Variants in SKIL observed in about 807,000 individuals in gnomAD.
SKIL encodes ski-like protein.
A neutral mutation model predicts 69.6 loss-of-function variants in SKIL; 20 were observed. That is an observed-to-expected ratio of 0.29 (90% CI 0.20 to 0.42). The LOEUF (loss-of-function observed/expected upper bound fraction) is 0.42, where lower values mean the gene tolerates loss of function less well. SKIL is among the 10% of genes least tolerant of loss of function. The pLI, the probability that SKIL is intolerant of heterozygous loss-of-function variation, is 1.00. For missense variants in SKIL, 745 were observed against 783.1 expected (o/e 0.95, Z 0.58); for synonymous variants, 310 against 279.9 (o/e 1.11, Z -1.08).
intron 6 of SKIL, 110 bp downstream of exon 6, chr3:170,391,370 T>G (rs956319059): frequency 1.5e-6 from 1 of 648,930 alleles, no homozygotes; most frequent in Non-Finnish European, 2.6e-6. Flanking sequence ...CAGGCTGGAG[T>G]GCAGTGGCAC....
intron 2 of SKIL, among the ~76,000 whole-genome samples, chr3:170,362,889 T>C (rs565850963): frequency 1.3e-5 from 2 of 149,630 alleles, no homozygotes; most frequent in South Asian, 2.1e-4. Context: ...TCTAGTAGGC[T>C]AAACTATTAT....
At chr3:170,374,278 T>G (rs924975176) in intron 2 of SKIL, among the ~76,000 whole-genome samples, 10 of 152,112 alleles carry the variant, frequency 6.6e-5, no homozygotes, top group Non-Finnish European at 1.3e-4. Flanking sequence ...AAAGAACCTT[T>G]GGAATGAAAT....
At position 170,360,701 on chromosome 3, in the gene SKIL, C is replaced by A. The variant is rs757272736; in HGVS notation, c.370C>A (p.Leu124Ile). Residue 124 changes from leucine to isoleucine, a missense_variant, in exon 2 of 7, where the codon CTT becomes ATT. Physicochemically the swap from Leu to Ile is conservative, Grantham distance 5. Coordinates refer to ENST00000259119, the MANE Select transcript of SKIL (RefSeq NM_005414.5). ...CATGTCGCCTACTGTATTTCTGCCT[C>A]TTCCATCACCTCAGGTTCTTCCTGG... ...ESMSPTVFLP[L>I]PSPQVLPGPL... 1 of 1,614,222 alleles carries A rather than the reference C, an allele frequency of 6.2e-7. No homozygotes were observed. The highest frequency in any genetic ancestry group is 1.1e-5 in the South Asian group (1 of 91,084).
rs1421678848 is a variant in SKIL, at chr3:170,392,352, T to A, written c.1990T>A (p.Leu664Ile). 6.2e-7 allele frequency: 1 copy of A among 1,612,520 alleles called. No homozygotes were observed. Among genetic ancestry groups the A allele is most frequent in the Non-Finnish European group, 8.5e-7 (1 of 1,178,764 alleles). Residue 664 changes from leucine to isoleucine, a missense_variant, in exon 7 of 7, where the codon TTA (leucine) becomes ATA (isoleucine). Transcript: ENST00000259119. The part of the protein sequence containing the change: ...LRQEREARQK[L>I]EMMIKELKLQ... ...ACAGGAACGGGAAGCAAGACAGAAG[T>A]TAGAGATGATGATAAAAGAGCTAAA... is the stretch of plus-strand genomic sequence containing the variant.
chr3:170,377,398 C>CTTTT (rs34584855), intron 2 of SKIL, among the ~76,000 whole-genome samples: 1 of 136,708 alleles, frequency 7.3e-6, no homozygotes. Flanking sequence ...GTGCCCAGGC[C>CTTTT]TTTTTTTTTT....
chr3:170,360,286 T>C lies in SKIL; in HGVS notation c.-46T>C. 6.7e-7 allele frequency: 1 copy of C among 1,496,192 alleles called. No homozygotes were observed. The allele number at this position is 1,496,192 out of a possible 1,614,324, so 92.7% of individuals were successfully genotyped here. On this transcript the variant is annotated 5_prime_UTR_variant, in exon 2 of 7. Transcript: ENST00000259119. ...TCCTCTTTTCAAATAAGCAACTAAA[T>C]AGAAATGCTAATCTCAGACTTAATT...
At position 170,378,364 on chromosome 3, in the gene SKIL, T is replaced by G. The variant is rs75705848; in HGVS notation, c.1099-2880T>G. ...TCATTGATTTCCTCCATTAGTAGGA[T>G]CTCAGTAATCAAACCAGAGTTTGGA... On this transcript the variant is annotated intron_variant, in intron 2 of 6. Transcript: ENST00000259119. Among the ~76,000 whole-genome samples the G allele has an allele frequency of 7.9e-5, 12 of 152,314 alleles. No individual in the cohort carries two copies. The East Asian group carries it at 2.3e-3, about 29-fold the overall frequency.
rs1282010489 is a variant in SKIL at position 170,396,428 on chromosome 3, T to C, written c.*4011T>C. ...ATAATTTTAAGCCAACATAGTAGTC[T>C]TAAATTACTTTTGAATTTCTAATCT... On this transcript the variant is annotated 3_prime_UTR_variant, in exon 7 of 7. Transcript: ENST00000259119. The C allele has an allele frequency of 6.6e-6, 1 of 152,204 alleles. No individual in the cohort carries two copies. The highest frequency in any genetic ancestry group is 1.5e-5 in the Non-Finnish European group (1 of 68,010). 9.4% of individuals were successfully genotyped at this position (152,204 alleles called of 1,614,324 possible).
rs771081170 is a variant in SKIL, at chr3:170,361,382, A to C, written c.1051A>C (p.Met351Leu). ...EKKLKIILEEMKEKFSMRSGK... is the reference protein window; with the variant it reads ...EKKLKIILEELKEKFSMRSGK... ...GAAACTGAAGATAATTTTAGAAGAA[A>C]TGAAGGAGAAGTTTAGCATGAGAAG... The change falls in exon 2 of 7, where the codon ATG becomes CTG. Residue 351 changes from methionine to leucine, a missense_variant. Transcript: ENST00000259119. 5.0e-6 allele frequency: 8 copies of C among 1,601,456 alleles called. No homozygotes were observed. The highest frequency in any genetic ancestry group is 2.2e-5 in the East Asian group (1 of 44,864).
chr3:170,381,394 T>C (rs1417174191), intron 3 of SKIL, 53 bp downstream of exon 3: 6 of 855,242 alleles, frequency 7.0e-6, no homozygotes. Flanking sequence ...ATTCAACAAC[T>C]ATATGCCATG....
At chr3:170,386,057 A>G (rs1466317735) in intron 4 of SKIL, among the ~76,000 whole-genome samples, 1 of 144,468 alleles carries the variant, frequency 6.9e-6, no homozygotes, top group Non-Finnish European at 1.5e-5. Flanking sequence ...CTCCCAACCA[A>G]AGTGCTGGGA....
intron 4 of SKIL, among the ~76,000 whole-genome samples, chr3:170,387,557 A>T (rs1042595580): frequency 4.6e-5 from 7 of 152,108 alleles, no homozygotes; most frequent in African/African-American, 1.7e-4. Context: ...CCATTATGTG[A>T]ATATACCACA....
intron 3 of SKIL, among the ~76,000 whole-genome samples, chr3:170,383,659 A>C (rs978013645): frequency 2.0e-5 from 3 of 152,306 alleles, no homozygotes; most frequent in African/African-American, 7.2e-5. Flanking sequence ...GTATTTCAAG[A>C]AGATTGCTCA....
Position 170,391,276 on chromosome 3 carries a change from T to C in SKIL, c.1896+16T>C. ...TGCAGGACAGGTAAGAATTACTGTT[T>C]GTATAATGGTGCCCTTTCAGCATGG... is the stretch of plus-strand genomic sequence containing the variant. On this transcript the variant is annotated intron_variant, in intron 6 of 6. Coordinates refer to ENST00000259119, the MANE Select transcript of SKIL (RefSeq NM_005414.5). 1 of 1,343,950 alleles carries C rather than the reference T, an allele frequency of 7.4e-7. No individual in the cohort carries two copies. The highest frequency in any genetic ancestry group is 1.0e-6 in the Non-Finnish European group (1 of 953,942). 83.3% of individuals were successfully genotyped at this position (1,343,950 alleles called of 1,614,324 possible). A position where few individuals can be genotyped will look rare whatever the true frequency, so the allele number is the denominator to read the frequency against.
chr3:170,375,138 T>G (rs1447400362), intron 2 of SKIL, among the ~76,000 whole-genome samples: 2 of 152,214 alleles, frequency 1.3e-5, no homozygotes, highest in Non-Finnish European at 2.9e-5. Context: ...GCGTAGCCAC[T>G]TAACAGGGAT....
intron 4 of SKIL, among the ~76,000 whole-genome samples, chr3:170,388,093 A>G (rs1224436895): frequency 6.6e-6 from 1 of 152,130 alleles, no homozygotes; most frequent in Non-Finnish European, 1.5e-5. Context: ...GAACTGCCAA[A>G]CTTTTCAAAA....
In SKIL at chr3:170,396,547, G is replaced by A. The variant is rs1738196642; in HGVS notation, c.*4130G>A. On this transcript the variant is annotated 3_prime_UTR_variant, in exon 7 of 7. Transcript: ENST00000259119. Reference sequence around the variant, plus strand: ...TTAAAGTTAAAATTTTGCCAATGATGTACAGTTTTATGGTTAAAGTTGCTG... The same window carrying A: ...TTAAAGTTAAAATTTTGCCAATGATATACAGTTTTATGGTTAAAGTTGCTG... The A allele has an allele frequency of 2.0e-5, 3 of 152,152 alleles. 1 individual carries two copies. Among genetic ancestry groups the A allele is most frequent in the South Asian group, 4.1e-4 (2 of 4,826 alleles). The allele number at this position is 152,152 out of a possible 1,614,324, so 9.4% of individuals were successfully genotyped here. A position where few individuals can be genotyped will look rare whatever the true frequency, so the allele number is the denominator to read the frequency against.
At chr3:170,385,084 C>CT (rs1035024171) in intron 4 of SKIL, 117 of 178,464 alleles carry the variant, frequency 6.6e-4, no homozygotes, top group South Asian at 2.6e-3. Flanking sequence ...TTCTTTCCTC[C>CT]TTTTTTTTTC....
chr3:170,368,007 A>G (rs113967527), intron 2 of SKIL, among the ~76,000 whole-genome samples: 1 of 152,166 alleles, frequency 6.6e-6, no homozygotes, highest in African/African-American at 2.4e-5. Context: ...TAATAATAGT[A>G]CAAAATATTT....
Sources: gnomAD v4.1 joint callset for allele counts (sites outside exome capture counted in the v4.1 genomes callset) on GRCh38, gnomAD v4.1.1 for gene constraint, MANE v1.5 for transcripts, NCBI Gene and HGNC (gene_info 2026-07-23, HGNC 2026-07-21) for gene names.